Variants in NXPH1 observed in about 807,000 individuals in gnomAD.
The protein encoded by NXPH1 is neurexophilin 1, also known as neurexophilin-1.
A neutral mutation model predicts 23.7 loss-of-function variants in NXPH1; 5 were observed. That is an observed-to-expected ratio of 0.21 (90% confidence interval 0.11 to 0.44). The LOEUF (loss-of-function observed/expected upper bound fraction) is 0.44. Among genes scored for constraint, NXPH1 ranks in the 20% least tolerant of loss-of-function variants. NXPH1 has a pLI of 0.99. For missense variants in NXPH1, 324 were observed against 321.6 expected, an observed-to-expected ratio of 1.01 and a Z score of -0.06; for synonymous variants, 144 against 122.2, an observed-to-expected ratio of 1.18 and a Z score of -1.18.
intron 2 of NXPH1, among the ~76,000 whole-genome samples, chr7:8,735,419 G>T (rs1394775288): frequency 6.6e-6 from 1 of 152,184 alleles, no homozygotes; most frequent in Non-Finnish European, 1.5e-5. Flanking sequence ...CATTGGTTAT[G>T]TTTATGTACT....
At chr7:8,722,882 C>A (rs1353182084) in intron 2 of NXPH1, among the ~76,000 whole-genome samples, 1 of 152,160 alleles carries the variant, frequency 6.6e-6, no homozygotes, top group Non-Finnish European at 1.5e-5. Context: ...ATGGCCCCTT[C>A]CAGCCTCAGA....
intron 2 of NXPH1, among the ~76,000 whole-genome samples, chr7:8,726,745 T>G (rs1317839538): frequency 6.7e-6 from 1 of 149,494 alleles, no homozygotes; most frequent in East Asian, 2.0e-4. Flanking sequence ...TTGTTGGACA[T>G]TTGGGTTGGT....
At chr7:8,478,424 A>G (rs1277802646) in intron 2 of NXPH1, among the ~76,000 whole-genome samples, 2 of 152,094 alleles carry the variant, frequency 1.3e-5, no homozygotes, top group Non-Finnish European at 2.9e-5. Context: ...TAAACATAAA[A>G]CCAAATAAAC....
chr7:8,720,486 A>G (rs1779953585), intron 2 of NXPH1, among the ~76,000 whole-genome samples: 1 of 152,224 alleles, frequency 6.6e-6, no homozygotes. Flanking sequence ...TTTGTTTAAA[A>G]ATCTTTATGA....
At chr7:8,633,023 A>G (rs1291019647) in intron 2 of NXPH1, among the ~76,000 whole-genome samples, 2 of 152,254 alleles carry the variant, frequency 1.3e-5, no homozygotes, top group African/African-American at 2.4e-5. Context: ...GTGGGAAACT[A>G]CTTCATGAAA....
intron 2 of NXPH1, among the ~76,000 whole-genome samples, chr7:8,513,788 C>T (rs943411280): frequency 2.6e-5 from 4 of 152,056 alleles, no homozygotes; most frequent in African/African-American, 7.2e-5. Flanking sequence ...GACTTGCCTG[C>T]GTCTTGCTCC....
At chr7:8,491,551 A>T (rs1817248112) in intron 2 of NXPH1, among the ~76,000 whole-genome samples, 1 of 152,090 alleles carries the variant, frequency 6.6e-6, no homozygotes, top group African/African-American at 2.4e-5. Context: ...TCAAAGACAC[A>T]TTAAATACAC....
At chr7:8,739,445 C>A (rs899510658) in intron 2 of NXPH1, among the ~76,000 whole-genome samples, 1 of 152,048 alleles carries the variant, frequency 6.6e-6, no homozygotes, top group African/African-American at 2.4e-5. Context: ...CAACACCCCA[C>A]CCTGCTTCTG....
rs1032740678 is a variant in NXPH1 at position 8,647,221 on chromosome 7, C to T, written c.55-103787C>T. ...TGCGCCTGATCCCTCAACCCTGACC[C>T]TCAGGCCCACAGTGTCTCCACTGGC... is the stretch of plus-strand genomic sequence containing the variant. On this transcript the variant is annotated intron_variant, in intron 2 of 2. Coordinates refer to ENST00000405863, the MANE Select transcript of NXPH1 (RefSeq NM_152745.3). 2.6e-5 allele frequency among the ~76,000 whole-genome samples: 4 copies of T among 152,332 alleles called. No individual in the cohort carries two copies. In the East Asian group the frequency reaches 5.8e-4, roughly 22 times the overall value.
At chr7:8,454,114 G>A (rs942809189) in intron 2 of NXPH1, among the ~76,000 whole-genome samples, 1 of 151,918 alleles carries the variant, frequency 6.6e-6, no homozygotes, top group Non-Finnish European at 1.5e-5. Context: ...AGGAGAGAGA[G>A]GATCAGGAAA....
chr7:8,470,913 A>G (rs1048822913), intron 2 of NXPH1, among the ~76,000 whole-genome samples: 2 of 152,054 alleles, frequency 1.3e-5, no homozygotes, highest in Non-Finnish European at 2.9e-5. Flanking sequence ...TGGCCTAGAC[A>G]TGGGAATGGG....
chr7:8,571,358 A>G (rs1248978805), intron 2 of NXPH1, among the ~76,000 whole-genome samples: 4 of 151,806 alleles, frequency 2.6e-5, no homozygotes, highest in Non-Finnish European at 4.4e-5. Context: ...CATCGAGAAT[A>G]TGTCTGTGAT....
intron 2 of NXPH1, among the ~76,000 whole-genome samples, chr7:8,718,997 G>T (rs567121673): frequency 6.6e-6 from 1 of 152,270 alleles, no homozygotes; most frequent in African/African-American, 2.4e-5. Context: ...TTGTCCAACA[G>T]AAGTCTATTT....
At chr7:8,464,140 C>G (rs975238735) in intron 2 of NXPH1, among the ~76,000 whole-genome samples, 30 of 152,086 alleles carry the variant, frequency 2.0e-4, no homozygotes, top group African/African-American at 7.0e-4. Context: ...TCCCCCATAT[C>G]TAATCAGCTG....
chr7:8,488,399 A>G lies in NXPH1; in HGVS notation c.54+52632A>G, dbSNP rs892233331. 2.8e-4 allele frequency among the ~76,000 whole-genome samples: 43 copies of G among 152,136 alleles called. 1 individual carries two copies. The highest frequency in any genetic ancestry group is 8.7e-4 in the African/African-American group (36 of 41,436). On this transcript the variant is annotated intron_variant, in intron 2 of 2. Transcript: ENST00000405863. ...AATGACTTCCCTCTTAAATGTTTAT[A>G]ACATTTGACCATTTAATAACTCTAG...
intron 2 of NXPH1, among the ~76,000 whole-genome samples, chr7:8,647,871 C>A (rs981559711): frequency 6.6e-6 from 1 of 151,240 alleles, no homozygotes; most frequent in African/African-American, 2.4e-5. Flanking sequence ...TATCCTTGAC[C>A]CATTATTTCC....
At chr7:8,473,589 C>T (rs1816910093) in intron 2 of NXPH1, among the ~76,000 whole-genome samples, 1 of 152,102 alleles carries the variant, frequency 6.6e-6, no homozygotes, top group Non-Finnish European at 1.5e-5. Flanking sequence ...TTTTCGCTCC[C>T]ACACAAACTT....
intron 2 of NXPH1, among the ~76,000 whole-genome samples, chr7:8,574,351 C>T (rs536840318): frequency 2.0e-5 from 3 of 152,166 alleles, no homozygotes; most frequent in African/African-American, 2.4e-5. Flanking sequence ...TGGGCTCCAG[C>T]GATCCTCCTG....
chr7:8,728,751 T>C (rs1278023740), intron 2 of NXPH1, among the ~76,000 whole-genome samples: 1 of 152,242 alleles, frequency 6.6e-6, no homozygotes, highest in Non-Finnish European at 1.5e-5. Flanking sequence ...CAGTATTTTA[T>C]TGAGGATTTT....
Sources: gnomAD v4.1 joint callset for allele counts (sites outside exome capture counted in the v4.1 genomes callset) on GRCh38, gnomAD v4.1.1 for gene constraint, MANE v1.5 for transcripts, NCBI Gene and HGNC (gene_info 2026-07-23, HGNC 2026-07-21) for gene names.